The following CLINT1 variants were observed in gnomAD, a reference collection of about 807,000 sequenced individuals.
CLINT1 encodes the protein clathrin interactor 1.
A neutral mutation model predicts 70.4 loss-of-function variants in CLINT1; 15 were observed. That is an observed-to-expected ratio of 0.21 (90% CI 0.14 to 0.33). CLINT1 has a LOEUF of 0.33. CLINT1 is among the 10% of genes least tolerant of loss of function. The pLI is 1.00. For missense variants in CLINT1, 615 were observed against 778.1 expected, an observed-to-expected ratio of 0.79 and a Z score of 2.49; for synonymous variants, 227 against 254.7, an observed-to-expected ratio of 0.89 and a Z score of 1.04.
intron 10 of CLINT1, chr5:157,790,563 T>A (rs2113123605): frequency 2.3e-6 from 1 of 433,170 alleles, no homozygotes; most frequent in Middle Eastern, 3.5e-4. Context: ...GCTTAACTCA[T>A]ACATTAGGTC....
intron 8 of CLINT1, among the ~76,000 whole-genome samples, chr5:157,796,567 CT>C (rs1165641203): frequency 2.6e-5 from 4 of 152,176 alleles, no homozygotes; most frequent in African/African-American, 9.7e-5. Context: ...GGCCGCAGTG[CT>C]TAGAAACTAG....
At chr5:157,833,494 C>A (rs1225753727) in intron 1 of CLINT1, among the ~76,000 whole-genome samples, 1 of 152,186 alleles carries the variant, frequency 6.6e-6, no homozygotes, top group Non-Finnish European at 1.5e-5. Context: ...TTCTCTCTGT[C>A]CCTGCTCTCC....
chr5:157,806,135 CA>C lies in CLINT1; in HGVS notation c.696-24del, dbSNP rs768923671. The C allele has an allele frequency of 2.4e-5, 39 of 1,608,640 alleles. No individual in the cohort carries two copies. The Middle Eastern group carries it at 6.6e-4, about 27-fold the overall frequency. On this transcript the variant is annotated intron_variant, in intron 6 of 11. Transcript: ENST00000411809. ...TCGCTAAAAGATATTAAAAATGAAG[CA>C]AAATAATAAGACGGGATTATTTTAA...
chr5:157,803,099 C>T (rs1762277856), intron 8 of CLINT1, among the ~76,000 whole-genome samples: 1 of 152,310 alleles, frequency 6.6e-6, no homozygotes, highest in South Asian at 2.1e-4. Flanking sequence ...AAGGTGACAG[C>T]TGCAATTAAA....
At chr5:157,806,750 T>C (rs1380748242) in intron 6 of CLINT1, among the ~76,000 whole-genome samples, 1 of 152,194 alleles carries the variant, frequency 6.6e-6, no homozygotes, top group Admixed American at 6.5e-5. Context: ...CTATAGAAAA[T>C]GCTTTCTAGA....
At chr5:157,856,489 G>A (rs28393499) in intron 1 of CLINT1, among the ~76,000 whole-genome samples, 2,264 of 152,232 alleles carry the variant, frequency 0.015, 56 homozygotes, top group African/African-American at 0.051. Context: ...CCTTAATCAC[G>A]TCACTGCTTC....
At chr5:157,795,698 A>C (rs976283693) in intron 8 of CLINT1, 4 of 152,220 alleles carry the variant, frequency 2.6e-5, no homozygotes, top group Non-Finnish European at 5.9e-5. Flanking sequence ...GTAATTTTTA[A>C]AAATAAAAAG....
chr5:157,807,655 T>C (rs1213836187), intron 6 of CLINT1, among the ~76,000 whole-genome samples: 2 of 152,138 alleles, frequency 1.3e-5, no homozygotes, highest in Non-Finnish European at 2.9e-5. Context: ...TCACTGCATT[T>C]TCACTCTTTT....
chr5:157,814,510 T>G (rs1762653954), intron 3 of CLINT1, among the ~76,000 whole-genome samples: 1 of 152,228 alleles, frequency 6.6e-6, no homozygotes. Context: ...ATAAATCATC[T>G]ACTGGATACT....
chr5:157,855,954 C>T (rs1365690722), intron 1 of CLINT1, among the ~76,000 whole-genome samples: 1 of 151,852 alleles, frequency 6.6e-6, no homozygotes, highest in Non-Finnish European at 1.5e-5. Flanking sequence ...AAAAGAAATA[C>T]ATCATTACAC....
At chr5:157,800,775 G>GAAGAC in intron 8 of CLINT1, among the ~76,000 whole-genome samples, 1 of 152,258 alleles carries the variant, frequency 6.6e-6, no homozygotes, top group Non-Finnish European at 1.5e-5. Context: ...TTGCACTGGA[G>GAAGAC]AAGACAAACC....
chr5:157,833,018 C>G (rs1157578950), intron 1 of CLINT1, among the ~76,000 whole-genome samples: 1 of 152,134 alleles, frequency 6.6e-6, no homozygotes, highest in Non-Finnish European at 1.5e-5. Context: ...AAACTGAGCT[C>G]CTATTTTAAA....
At chr5:157,793,869 T>G (rs116557151) in intron 9 of CLINT1, among the ~76,000 whole-genome samples, 2,389 of 152,258 alleles carry the variant, frequency 0.016, 63 homozygotes, top group African/African-American at 0.054. Context: ...AATATAAATT[T>G]TAATCCAGTT....
intron 8 of CLINT1, among the ~76,000 whole-genome samples, chr5:157,802,755 A>G (rs1762266544): frequency 6.6e-6 from 1 of 152,134 alleles, no homozygotes; most frequent in African/African-American, 2.4e-5. Context: ...CATGTTGGCC[A>G]GGCTGGTCTC....
intron 2 of CLINT1, among the ~76,000 whole-genome samples, chr5:157,817,189 G>A (rs1029530297): frequency 2.0e-5 from 3 of 152,056 alleles, no homozygotes; most frequent in Non-Finnish European, 4.4e-5. Context: ...TTTACATGGT[G>A]AGCTACAGTG....
intron 1 of CLINT1, among the ~76,000 whole-genome samples, chr5:157,830,747 C>CCTCCCT (rs1763197040): frequency 1.1e-5 from 1 of 91,296 alleles, no homozygotes; most frequent in Non-Finnish European, 2.3e-5. Context: ...CCTGCCCCTC[C>CCTCCCT]CTCTCTCTCC....
At chr5:157,801,081 T>C (rs1762201002) in intron 8 of CLINT1, among the ~76,000 whole-genome samples, 1 of 152,234 alleles carries the variant, frequency 6.6e-6, no homozygotes, top group African/African-American at 2.4e-5. Flanking sequence ...TATAAAAATA[T>C]ATCACATAAA....
chr5:157,824,118 A>G (rs533033430), intron 1 of CLINT1, among the ~76,000 whole-genome samples: 1 of 152,310 alleles, frequency 6.6e-6, no homozygotes, highest in African/African-American at 2.4e-5. Flanking sequence ...AAAGTCTTAA[A>G]CCAGAAACAT....
rs1214479242 is a variant in CLINT1, at chr5:157,786,427, T to G, written c.*1219A>C. 6.6e-6 allele frequency: 1 copy of G among 152,602 alleles called. No individual in the cohort carries two copies. The highest frequency in any genetic ancestry group is 1.9e-4 in the East Asian group (1 of 5,204). The allele number at this position is 152,602 out of a possible 1,614,324, so 9.5% of individuals were successfully genotyped here. On this transcript the variant is annotated 3_prime_UTR_variant, in exon 12 of 12. Transcript: ENST00000411809. The stretch of plus-strand genomic sequence containing the variant: ...TTGATATCTATATTATAGTATTTAT[T>G]TTGAAAAATATTCCCAGCTTGAGGG...
Sources: gnomAD v4.1 joint callset for allele counts (sites outside exome capture counted in the v4.1 genomes callset) on GRCh38, gnomAD v4.1.1 for gene constraint, MANE v1.5 for transcripts, NCBI Gene and HGNC (gene_info 2026-07-23, HGNC 2026-07-21) for gene names.